CNOT2: variants seen among roughly 807,000 people sequenced by gnomAD.
CNOT2 encodes CC chemokine receptor 4-negative regulator of transcription 2.
CNOT2 carries 7 observed loss-of-function variants against 72.1 expected under a neutral mutation model. The ratio of observed to expected loss-of-function variants is 0.10; its 90% confidence interval spans 0.06 to 0.18. The LOEUF (loss-of-function observed/expected upper bound fraction) is 0.18. Ranked by LOEUF, CNOT2 falls within the 10% of genes least tolerant of loss-of-function variation. The pLI, the probability that CNOT2 is intolerant of heterozygous loss-of-function variation, is 1.00. For missense variants in CNOT2, 345 were observed against 660.3 expected (o/e 0.52, Z 5.23); for synonymous variants, 196 against 225.6 (o/e 0.87, Z 1.17).
intron 2 of CNOT2, among the ~76,000 whole-genome samples, chr12:70,285,800 T>C (rs546979659): frequency 1.3e-5 from 2 of 152,236 alleles, no homozygotes; most frequent in Admixed American, 1.3e-4. Flanking sequence ...CTGATGGACC[T>C]GAGAGTGGAG....
chr12:70,243,373 G>C (rs376087587), upstream of CNOT2: 2 of 152,698 alleles, frequency 1.3e-5, no homozygotes, highest in East Asian at 3.9e-4. Flanking sequence ...AGGGAAGCCG[G>C]AGCGACGGGG....
intron 1 of CNOT2, among the ~76,000 whole-genome samples, chr12:70,246,464 T>G (rs1291174399): frequency 1.3e-5 from 2 of 152,140 alleles, no homozygotes; most frequent in East Asian, 3.8e-4. Flanking sequence ...GCAGAGTTAA[T>G]ATGAGGTGTA....
intron 2 of CNOT2, among the ~76,000 whole-genome samples, chr12:70,301,016 CTGTT>C (rs1476339204): frequency 3.3e-5 from 5 of 152,204 alleles, no homozygotes; most frequent in African/African-American, 4.8e-5. Context: ...ATTTGGCTCT[CTGTT>C]TGTCTGTTAT....
chr12:70,351,309 A>G (rs1353386921), intron 15 of CNOT2, among the ~76,000 whole-genome samples: 1 of 152,092 alleles, frequency 6.6e-6, no homozygotes, highest in African/African-American at 2.4e-5. Context: ...GTAGATAGAC[A>G]CTTGCTCCTA....
chr12:70,348,557 T>G (rs1882489536), intron 15 of CNOT2, among the ~76,000 whole-genome samples: 1 of 152,276 alleles, frequency 6.6e-6, no homozygotes, highest in East Asian at 1.9e-4. Flanking sequence ...TTTGAACATT[T>G]TTGCTCAATA....
chr12:70,290,192 C>T (rs1871639334), intron 2 of CNOT2, among the ~76,000 whole-genome samples: 1 of 151,480 alleles, frequency 6.6e-6, no homozygotes, highest in Admixed American at 6.6e-5. Context: ...TGTCTGGGCC[C>T]TGGGGATTGT....
intron 2 of CNOT2, among the ~76,000 whole-genome samples, chr12:70,300,442 A>G (rs1356878044): frequency 6.6e-6 from 1 of 152,206 alleles, no homozygotes; most frequent in Non-Finnish European, 1.5e-5. Flanking sequence ...ACATATGGCT[A>G]GCCAGTTTTC....
Position 70,330,268 on chromosome 12 carries a change from T to A in CNOT2, c.387-19T>A. On this transcript the variant is annotated intron_variant, in intron 5 of 15. Coordinates refer to ENST00000229195, the MANE Select transcript of CNOT2 (RefSeq NM_014515.7). ...GTGATTGTAGAGAGCTTATTTAGTA[T>A]AATGGACTTCTTTTTCAGGGGTATT... The A allele has an allele frequency of 6.6e-6, 9 of 1,371,034 alleles. No individual in the cohort carries two copies. The highest frequency in any genetic ancestry group is 9.3e-6 in the Non-Finnish European group (9 of 968,762). The allele number at this position is 1,371,034 out of a possible 1,614,324, so 84.9% of individuals were successfully genotyped here. A position where few individuals can be genotyped will look rare whatever the true frequency, so the allele number is the denominator to read the frequency against.
intron 4 of CNOT2, among the ~76,000 whole-genome samples, chr12:70,327,191 G>T (rs1335433210): frequency 6.6e-6 from 1 of 151,612 alleles, no homozygotes; most frequent in African/African-American, 2.4e-5. Context: ...GTTTATGGTG[G>T]TGAATGTGTA....
At chr12:70,320,414 C>G (rs1298947714) in intron 4 of CNOT2, among the ~76,000 whole-genome samples, 1 of 151,580 alleles carries the variant, frequency 6.6e-6, no homozygotes, top group Non-Finnish European at 1.5e-5. Flanking sequence ...TTTTTTCTGT[C>G]TATCTTTTGT....
intron 1 of CNOT2, among the ~76,000 whole-genome samples, chr12:70,277,928 T>C (rs1347356717): frequency 6.6e-6 from 1 of 152,148 alleles, no homozygotes; most frequent in Non-Finnish European, 1.5e-5. Context: ...TAGAAGTGGG[T>C]AGGAAGAATG....
intron 11 of CNOT2, among the ~76,000 whole-genome samples, chr12:70,339,089 TATACACAC>T (rs1881139711): frequency 7.5e-6 from 1 of 132,566 alleles, no homozygotes; most frequent in Non-Finnish European, 1.6e-5. Context: ...TATATATATA[TATACACAC>T]ACACACACAC....
Position 70,346,299 on chromosome 12 carries a change from G to C in CNOT2, c.1511G>C (p.Cys504Ser), listed in dbSNP as rs1335358254. ...AGGGGAACATATTACTTCTTTGACTGTCTTAACTGGAGGAAAGTAGCTAAG... is the reference window on the plus strand; with the variant it reads ...AGGGGAACATATTACTTCTTTGACTCTCTTAACTGGAGGAAAGTAGCTAAG... ...YERGTYYFFD[C>S]LNWRKVAKEF... The change falls in exon 15 of 16, where the codon TGT becomes TCT. Residue 504 changes from cysteine to serine, a missense_variant. Physicochemically the swap from Cys to Ser is moderately radical, Grantham distance 112 (BLOSUM62 -1). Coordinates refer to ENST00000229195, the MANE Select transcript of CNOT2 (RefSeq NM_014515.7). 1 of 1,612,542 alleles carries C rather than the reference G, an allele frequency of 6.2e-7. No homozygotes were observed. Among genetic ancestry groups the C allele is most frequent in the Non-Finnish European group, 8.5e-7 (1 of 1,178,726 alleles).
chr12:70,324,935 T>C lies in CNOT2; in HGVS notation c.239-4488T>C, dbSNP rs543953306. On this transcript the variant is annotated intron_variant, in intron 4 of 15. Coordinates refer to ENST00000229195, the MANE Select transcript of CNOT2 (RefSeq NM_014515.7). ...CATATGTTATTTAATTCATATACTA[T>C]CTTCTGTCTCCTCCAGGAAAATTTT... Among the ~76,000 whole-genome samples the C allele has an allele frequency of 1.4e-3, 218 of 151,980 alleles. 1 individual carries two copies. Among genetic ancestry groups the C allele is most frequent in the African/African-American group, 5.0e-3 (209 of 41,520 alleles).
At position 70,312,977 on chromosome 12, in the gene CNOT2, A is replaced by T. The variant is rs181859991; in HGVS notation, c.171+1960A>T. Among the ~76,000 whole-genome samples, 11 of 152,098 alleles carry T rather than the reference A, an allele frequency of 7.2e-5. No homozygotes were observed. The East Asian group carries it at 2.1e-3, about 29-fold the overall frequency. On this transcript the variant is annotated intron_variant, in intron 3 of 15. Transcript: ENST00000229195. ...TTATTGAAAAATACACAATTATTTA[A>T]ATCTTCTAGGTCATACAGACATATT...
intron 2 of CNOT2, among the ~76,000 whole-genome samples, chr12:70,288,676 A>G (rs1332064538): frequency 1.3e-5 from 2 of 152,184 alleles, no homozygotes; most frequent in African/African-American, 4.8e-5. Flanking sequence ...AATGTCTGGC[A>G]TGTAGTAAGT....
intron 2 of CNOT2, among the ~76,000 whole-genome samples, chr12:70,286,471 A>G (rs1013092505): frequency 6.7e-6 from 1 of 150,050 alleles, no homozygotes; most frequent in Non-Finnish European, 1.5e-5. Flanking sequence ...CCCTGCACCT[A>G]AATTATCATA....
chr12:70,296,493 G>A (rs1186189314), intron 2 of CNOT2, among the ~76,000 whole-genome samples: 1 of 152,046 alleles, frequency 6.6e-6, no homozygotes, highest in African/African-American at 2.4e-5. Context: ...TCGATTTGAT[G>A]ATTTGTAATT....
chr12:70,265,327 T>TCTCTTCTCTTC (rs200497693), intron 1 of CNOT2, among the ~76,000 whole-genome samples: 94 of 129,286 alleles, frequency 7.3e-4, no homozygotes, highest in Non-Finnish European at 4.8e-4. Flanking sequence ...TCTCTTCTCT[T>TCTCTTCTCTTC]TCTTTCTTTT....
Sources: allele counts gnomAD v4.1 joint callset (sites outside exome capture counted in the v4.1 genomes callset), GRCh38; gene constraint gnomAD v4.1.1; transcripts MANE v1.5; gene names NCBI Gene and HGNC (gene_info 2026-07-23, HGNC 2026-07-21).